The following OR1J2 variants were observed in gnomAD, a reference collection of about 807,000 sequenced individuals.
OR1J2 encodes olfactory receptor family 1 subfamily J member 2, also known as olfactory receptor 1J2.
For synonymous variants in OR1J2, 142 were observed against 99.7 expected (o/e 1.42, Z -2.52); for missense variants, 304 against 246.1 (o/e 1.24, Z -1.57).
chr9:122,554,302 A>C, the OR1J2 span: 2 of 650,634 alleles, frequency 3.1e-6, no homozygotes, highest in Non-Finnish European at 5.2e-6. Flanking sequence ...AAAAAAAAAA[A>C]GAGTGTTTCA....
the OR1J2 span, chr9:122,519,396 C>G: frequency 6.2e-7 from 1 of 1,614,162 alleles, no homozygotes; most frequent in Non-Finnish European, 8.5e-7. Context: ...ATTAAGCATG[C>G]AAACTCAGGA....
the OR1J2 span, chr9:122,477,346 A>G: frequency 1.2e-6 from 2 of 1,614,102 alleles, no homozygotes; most frequent in Non-Finnish European, 1.7e-6. Flanking sequence ...TAACTGATTG[A>G]GGGAGGTGTC....
At chr9:122,471,554 A>G in the OR1J2 span, 8 of 152,336 alleles carry the variant, frequency 5.3e-5, no homozygotes, top group African/African-American at 9.6e-5. Flanking sequence ...CTCACTTCCA[A>G]TGGAGACAAA....
At chr9:122,477,461 C>T in the OR1J2 span, 1 of 1,613,946 alleles carries the variant, frequency 6.2e-7, no homozygotes, top group Non-Finnish European at 8.5e-7. Context: ...TGCAAAAGAG[C>T]ACACGCACAA....
the OR1J2 span, among the ~76,000 whole-genome samples, chr9:122,577,542 A>ACTT: frequency 6.6e-6 from 1 of 152,246 alleles, no homozygotes; most frequent in Non-Finnish European, 1.5e-5. Flanking sequence ...CATGTGAACA[A>ACTT]GTAATTAATG....
the OR1J2 span, among the ~76,000 whole-genome samples, chr9:122,531,646 A>G: frequency 2.6e-5 from 4 of 152,314 alleles, no homozygotes; most frequent in Admixed American, 2.0e-4. Context: ...TGAGCTTGAT[A>G]AGGTGTGTTT....
the OR1J2 span, among the ~76,000 whole-genome samples, chr9:122,532,931 T>A: frequency 6.6e-6 from 1 of 152,036 alleles, no homozygotes; most frequent in African/African-American, 2.4e-5. Context: ...TTTATGAGAA[T>A]TATGCCGAGA....
chr9:122,552,807 G>T, the OR1J2 span, among the ~76,000 whole-genome samples: 1 of 141,152 alleles, frequency 7.1e-6, no homozygotes, highest in African/African-American at 2.6e-5. Context: ...TTGGAGGAGG[G>T]GTAGGAGTTT....
At chr9:122,495,734 A>C in the OR1J2 span, among the ~76,000 whole-genome samples, 4 of 152,020 alleles carry the variant, frequency 2.6e-5, no homozygotes, top group African/African-American at 9.7e-5. Flanking sequence ...GTGAGCTGGT[A>C]TGATCTTTTG....
Position 122,510,908 on chromosome 9 carries a change from T to C in OR1J2, c.107T>C (p.Leu36Pro), listed in dbSNP as rs1343324196. 15 of 1,612,296 alleles carry C rather than the reference T, an allele frequency of 9.3e-6. No individual in the cohort carries two copies. The African/African-American group carries it at 1.5e-4, about 16-fold the overall frequency. ...TTCACCCTGTTCCTGGGCATGTACC[T>C]GACCACGGTGCTGGGGAACCTGCTC... is the stretch of plus-strand genomic sequence containing the variant. The part of the protein sequence containing the change: ...VFFTLFLGMY[L>P]TTVLGNLLIM... The change falls in exon 1 of 1, where the codon CTG becomes CCG. Residue 36 changes from leucine (L) to proline (P), a missense_variant. By Grantham distance (98) the Leu-to-Pro change is moderately conservative. Transcript: ENST00000335302.
chr9:122,516,423 C>T (rs1171837361), downstream of OR1J2, among the ~76,000 whole-genome samples: 6 of 150,880 alleles, frequency 4.0e-5, no homozygotes, highest in Non-Finnish European at 1.5e-5. Context: ...CCTGCCTCAG[C>T]CTCCCAAGTA....
chr9:122,451,728 T>C, the OR1J2 span, among the ~76,000 whole-genome samples: 2 of 152,224 alleles, frequency 1.3e-5, no homozygotes, highest in East Asian at 3.8e-4. Context: ...AGGACATTAA[T>C]ATAATCATGT....
At chr9:122,553,009 C>T in the OR1J2 span, 1 of 637,848 alleles carries the variant, frequency 1.6e-6, no homozygotes, top group Non-Finnish European at 2.8e-6. Context: ...ATTATCTTAA[C>T]TGTTCTCTAA....
chr9:122,561,249 C>G, the OR1J2 span, among the ~76,000 whole-genome samples: 27 of 152,134 alleles, frequency 1.8e-4, no homozygotes, highest in Non-Finnish European at 2.9e-4. Flanking sequence ...AAGCCTTTAT[C>G]AAGGTCCTTA....
At chr9:122,495,099 G>A in the OR1J2 span, among the ~76,000 whole-genome samples, 1 of 152,088 alleles carries the variant, frequency 6.6e-6, no homozygotes, top group Non-Finnish European at 1.5e-5. Context: ...TGATGCTGTT[G>A]CCTCACAGCT....
chr9:122,536,822 T>C, the OR1J2 span, among the ~76,000 whole-genome samples: 1 of 152,216 alleles, frequency 6.6e-6, no homozygotes, highest in East Asian at 1.9e-4. Flanking sequence ...TAGGGTATCC[T>C]TTCCCCATTT....
At chr9:122,476,867 G>A in the OR1J2 span, 19 of 621,734 alleles carry the variant, frequency 3.1e-5, no homozygotes, top group Admixed American at 1.1e-4. Flanking sequence ...CACCATGCCC[G>A]GCTAATTTTT....
At chr9:122,579,318 A>G in the OR1J2 span, among the ~76,000 whole-genome samples, 1 of 152,118 alleles carries the variant, frequency 6.6e-6, no homozygotes, top group South Asian at 2.1e-4. Context: ...TTTAATTTGA[A>G]TACATTGTAA....
At chr9:122,575,725 T>C in the OR1J2 span, among the ~76,000 whole-genome samples, 1 of 152,210 alleles carries the variant, frequency 6.6e-6, no homozygotes. Flanking sequence ...CAGATTAACA[T>C]ATCTATAATC....
Sources: allele counts gnomAD v4.1 joint callset (sites outside exome capture counted in the v4.1 genomes callset), GRCh38; gene constraint gnomAD v4.1.1; transcripts MANE v1.5; gene names NCBI Gene and HGNC (gene_info 2026-07-23, HGNC 2026-07-21).